The following NTNG1 variants were observed in gnomAD, a reference collection of about 807,000 sequenced individuals.
NTNG1 encodes netrin G1.
NTNG1 carries 16 observed loss-of-function variants against 54.0 expected under a neutral mutation model. That is an observed-to-expected ratio of 0.30 (90% CI 0.20 to 0.45). The LOEUF (loss-of-function observed/expected upper bound fraction) is 0.45, where lower values mean the gene tolerates loss of function less well. Among genes scored for constraint, NTNG1 ranks in the 20% least tolerant of loss-of-function variants. The pLI, the probability that NTNG1 is intolerant of heterozygous loss-of-function variation, is 1.00. For missense variants in NTNG1, 530 were observed against 678.7 expected, an observed-to-expected ratio of 0.78 and a Z score of 2.43; for synonymous variants, 255 against 263.1, an observed-to-expected ratio of 0.97 and a Z score of 0.30.
rs377123625 is a variant in NTNG1 at position 107,480,837 on chromosome 1, C to G, written c.1617C>G (p.Phe539Leu). ...TGGGAACCGCCAGCCCCCTGGTGTT[C>G]TAGGTGTCACCTCCAGCCACACCGG... is the stretch of plus-strand genomic sequence containing the variant. ...TLLGTASPLV[F>L] Residue 539 changes from phenylalanine to leucine, a missense_variant, in exon 8 of 8, where the codon TTC becomes TTG. This residue lies in a region of NTNG1 where 212 missense variants were observed against 213.6 expected (regional missense o/e 0.99). Transcript: ENST00000370068. The G allele has an allele frequency of 6.9e-5, 107 of 1,556,520 alleles. No homozygotes were observed. The East Asian group carries it at 8.2e-4, about 12-fold the overall frequency.
chr1:107,302,954 C>T (rs935499181), intron 2 of NTNG1, among the ~76,000 whole-genome samples: 1 of 152,162 alleles, frequency 6.6e-6, no homozygotes, highest in Non-Finnish European at 1.5e-5. Context: ...AAAGCTTAGG[C>T]TATTCGCCAC....
intron 2 of NTNG1, among the ~76,000 whole-genome samples, chr1:107,230,302 G>A (rs1660988161): frequency 2.6e-5 from 4 of 152,172 alleles, no homozygotes; most frequent in Admixed American, 2.6e-4. Flanking sequence ...GCGGGTGGGG[G>A]AAAAGACAGC....
chr1:107,464,247 T>G (rs1404133942), intron 7 of NTNG1, among the ~76,000 whole-genome samples: 1 of 152,202 alleles, frequency 6.6e-6, no homozygotes, highest in African/African-American at 2.4e-5. Flanking sequence ...GCCTTGGCCT[T>G]TAGACTACAG....
intron 2 of NTNG1, among the ~76,000 whole-genome samples, chr1:107,211,120 A>G (rs1659571142): frequency 6.6e-6 from 1 of 152,132 alleles, no homozygotes; most frequent in Non-Finnish European, 1.5e-5. Context: ...TTTGCTTTCT[A>G]AACCTAGTGC....
intron 7 of NTNG1, among the ~76,000 whole-genome samples, chr1:107,457,299 T>C (rs1677008929): frequency 6.6e-6 from 1 of 152,214 alleles, no homozygotes; most frequent in Non-Finnish European, 1.5e-5. Flanking sequence ...AAATCCCCAA[T>C]CCAATACTTC....
chr1:107,414,212 A>G (rs1034858442), intron 5 of NTNG1, among the ~76,000 whole-genome samples: 4 of 152,158 alleles, frequency 2.6e-5, no homozygotes, highest in Non-Finnish European at 5.9e-5. Flanking sequence ...CAATGCAGTG[A>G]GCTTTCCTTG....
intron 7 of NTNG1, among the ~76,000 whole-genome samples, chr1:107,439,040 C>CTGTGGACA: frequency 6.6e-6 from 1 of 152,258 alleles, no homozygotes; most frequent in East Asian, 1.9e-4. Context: ...GAGAGAGCTA[C>CTGTGGACA]TGTGGACATG....
intron 3 of NTNG1, among the ~76,000 whole-genome samples, chr1:107,364,788 C>T (rs900302342): frequency 1.2e-4 from 18 of 152,064 alleles, no homozygotes; most frequent in African/African-American, 3.4e-4. Context: ...GTTCCAAGTG[C>T]GAAATTACCT....
intron 4 of NTNG1, among the ~76,000 whole-genome samples, chr1:107,396,236 C>A (rs2101094006): frequency 6.6e-6 from 1 of 152,202 alleles, no homozygotes; most frequent in South Asian, 2.1e-4. Context: ...ACTTGAGAAG[C>A]CACTGCTTCC....
chr1:107,209,137 C>T (rs771784108), intron 2 of NTNG1, among the ~76,000 whole-genome samples: 50 of 151,960 alleles, frequency 3.3e-4, no homozygotes, highest in Admixed American at 1.3e-3. Context: ...CCTCGTTTAA[C>T]TGCAAATACC....
intron 2 of NTNG1, among the ~76,000 whole-genome samples, chr1:107,168,203 C>A (rs1655953762): frequency 6.6e-6 from 1 of 151,136 alleles, no homozygotes; most frequent in African/African-American, 2.4e-5. Flanking sequence ...TTCTCTTTTT[C>A]TTTTTTAAGG....
intron 3 of NTNG1, among the ~76,000 whole-genome samples, chr1:107,389,235 C>T (rs1672210195): frequency 6.6e-6 from 1 of 152,216 alleles, no homozygotes; most frequent in South Asian, 2.1e-4. Flanking sequence ...ACAAAAGTAA[C>T]CAAAACTCTG....
chr1:107,154,049 C>G (rs372767409), intron 2 of NTNG1, among the ~76,000 whole-genome samples: 1 of 152,122 alleles, frequency 6.6e-6, no homozygotes. Context: ...TCAGCACATG[C>G]AAAACCTAGT....
At chr1:107,203,741 C>T (rs1658943176) in intron 2 of NTNG1, among the ~76,000 whole-genome samples, 1 of 151,436 alleles carries the variant, frequency 6.6e-6, no homozygotes, top group South Asian at 2.1e-4. Flanking sequence ...AATTTTTTAT[C>T]TATTCCCTTT....
chr1:107,462,804 G>C (rs1381738602), intron 7 of NTNG1, among the ~76,000 whole-genome samples: 1 of 152,132 alleles, frequency 6.6e-6, no homozygotes, highest in Non-Finnish European at 1.5e-5. Flanking sequence ...ATTTTTATTT[G>C]TTGGTACCTA....
chr1:107,280,873 T>G (rs1332209359), intron 2 of NTNG1, among the ~76,000 whole-genome samples: 2 of 150,380 alleles, frequency 1.3e-5, no homozygotes, highest in Admixed American at 1.3e-4. Flanking sequence ...TTTATTTTAT[T>G]TTATTTTATT....
Position 107,418,526 on chromosome 1 carries a change from C to T in NTNG1, c.1087+10818C>T, listed in dbSNP as rs1674360474. 6 of 1,289,836 alleles carry T rather than the reference C, an allele frequency of 4.7e-6. No individual in the cohort carries two copies. In the South Asian group the frequency reaches 8.2e-5, roughly 18 times the overall value. The allele number at this position is 1,289,836 out of a possible 1,614,324, so 79.9% of individuals were successfully genotyped here. A position where few individuals can be genotyped will look rare whatever the true frequency, so the allele number is the denominator to read the frequency against. ...TATCCATATAATTTTCTGTTTAGAC[C>T]AAATGACATTATAGCTGAAAATAAC... is the stretch of plus-strand genomic sequence containing the variant. On this transcript the variant is annotated intron_variant, in intron 5 of 7. Coordinates refer to ENST00000370068, the MANE Select transcript of NTNG1 (RefSeq NM_001113226.3).
chr1:107,365,818 C>T (rs1410193326), intron 3 of NTNG1, among the ~76,000 whole-genome samples: 1 of 152,102 alleles, frequency 6.6e-6, no homozygotes, highest in Non-Finnish European at 1.5e-5. Flanking sequence ...TTAAGCATAC[C>T]ACTGTTATGC....
chr1:107,447,426 A>G (rs2101462191), intron 7 of NTNG1, among the ~76,000 whole-genome samples: 1 of 152,186 alleles, frequency 6.6e-6, no homozygotes, highest in East Asian at 1.9e-4. Context: ...GGTTCACCAG[A>G]TGGAAGTTAT....
Sources: gnomAD v4.1 joint callset for allele counts (sites outside exome capture counted in the v4.1 genomes callset) on GRCh38, gnomAD v4.1.1 for gene constraint, gnomAD v4.1.1 regional missense constraint, MANE v1.5 for transcripts, NCBI Gene and HGNC (gene_info 2026-07-23, HGNC 2026-07-21) for gene names.